HPSE2: variants seen among roughly 807,000 people sequenced by gnomAD.
HPSE2 encodes the protein inactive heparanase-2.
Under a neutral mutation model 60.5 loss-of-function variants are expected in HPSE2, and 38 were observed. The observed-to-expected ratio is 0.63, with a 90% CI of 0.48 to 0.82. The LOEUF is 0.82. Among genes scored for constraint, HPSE2 ranks in the 40% least tolerant of loss-of-function variants. The pLI is 0.00. For synonymous variants in HPSE2, 295 were observed against 293.2 expected (o/e 1.01, Z -0.06); for missense variants, 713 against 740.4 (o/e 0.96, Z 0.43).
chr10:98,528,066 T>C (rs2133792835), intron 9 of HPSE2, among the ~76,000 whole-genome samples: 1 of 152,244 alleles, frequency 6.6e-6, no homozygotes, highest in South Asian at 2.1e-4. Flanking sequence ...TGAAAAAACT[T>C]TTTTTTCTTC....
At chr10:98,918,811 CTAAAACT>C (rs1022393164) in intron 3 of HPSE2, among the ~76,000 whole-genome samples, 47 of 150,248 alleles carry the variant, frequency 3.1e-4, no homozygotes, top group Non-Finnish European at 4.9e-4. Context: ...CACATGTACC[CTAAAACT>C]TAAAGTATAA....
At chr10:98,772,332 G>A (rs563427582) in intron 3 of HPSE2, among the ~76,000 whole-genome samples, 1 of 152,198 alleles carries the variant, frequency 6.6e-6, no homozygotes, top group African/African-American at 2.4e-5. Flanking sequence ...TGGATGACTG[G>A]GAAACTGAGG....
chr10:99,175,103 T>C (rs991165511), intron 2 of HPSE2, among the ~76,000 whole-genome samples: 2 of 152,174 alleles, frequency 1.3e-5, no homozygotes, highest in African/African-American at 4.8e-5. Flanking sequence ...GCTTTTCCCG[T>C]GGTCTTCACA....
At chr10:98,687,066 T>A (rs922693227) in intron 6 of HPSE2, among the ~76,000 whole-genome samples, 2 of 151,940 alleles carry the variant, frequency 1.3e-5, no homozygotes, top group African/African-American at 4.8e-5. Flanking sequence ...TTTGTTGTTA[T>A]TTTTTTTCTT....
intron 3 of HPSE2, among the ~76,000 whole-genome samples, chr10:98,813,880 G>T: frequency 6.6e-6 from 1 of 152,072 alleles, no homozygotes. Context: ...AAATTCAGAG[G>T]TACAAGATGG....
intron 9 of HPSE2, among the ~76,000 whole-genome samples, chr10:98,492,632 GATTT>G (rs1216703529): frequency 1.3e-5 from 2 of 151,808 alleles, no homozygotes; most frequent in Non-Finnish European, 2.9e-5. Context: ...GCAAACTTTA[GATTT>G]ATTAACTTGA....
At chr10:98,947,834 A>G (rs990145135) in intron 3 of HPSE2, among the ~76,000 whole-genome samples, 1 of 152,084 alleles carries the variant, frequency 6.6e-6, no homozygotes, top group Non-Finnish European at 1.5e-5. Context: ...CTTTTTCTGG[A>G]TTGGTTCCAT....
chr10:98,721,604 A>T, intron 5 of HPSE2, 53 bp downstream of exon 5: 1 of 1,503,042 alleles, frequency 6.7e-7, no homozygotes, highest in Non-Finnish European at 9.2e-7. Flanking sequence ...ATGCAAATAC[A>T]TTAATTCATT....
chr10:98,501,236 A>C (rs1221418609), intron 9 of HPSE2, among the ~76,000 whole-genome samples: 1 of 152,122 alleles, frequency 6.6e-6, no homozygotes. Flanking sequence ...GAAAGAACAT[A>C]ACCAAAAAAA....
chr10:98,482,498 T>C, intron 11 of HPSE2, 138 bp downstream of exon 11: 2 of 1,021,800 alleles, frequency 2.0e-6, no homozygotes, highest in Non-Finnish European at 3.1e-6. Flanking sequence ...AGCAGTCACC[T>C]GACCCCAGAC....
In HPSE2 at chr10:99,138,196, A is replaced by T. The variant is rs147994189; in HGVS notation, c.610+6042T>A. On this transcript the variant is annotated intron_variant, in intron 3 of 11. Transcript: ENST00000370552. The stretch of plus-strand genomic sequence containing the variant: ...CAAATCAAAACCACAATGGGATACC[A>T]TCTCACGCCAGTTAGAATGGTGATC... Among the ~76,000 whole-genome samples the T allele has an allele frequency of 8.5e-3, 1,288 of 152,330 alleles. 16 individuals are homozygous for T. Among genetic ancestry groups the T allele is most frequent in the African/African-American group, 0.03 (1,233 of 41,562 alleles).
chr10:99,122,231 CTGGCTTCAGT>C (rs1191487598), intron 3 of HPSE2, among the ~76,000 whole-genome samples: 3 of 151,968 alleles, frequency 2.0e-5, no homozygotes, highest in Non-Finnish European at 4.4e-5. Context: ...CTCAAATGTA[CTGGCTTCAGT>C]GGGAAAATAT....
intron 6 of HPSE2, among the ~76,000 whole-genome samples, chr10:98,693,170 T>G (rs924861158): frequency 2.6e-5 from 4 of 152,158 alleles, no homozygotes; most frequent in African/African-American, 9.7e-5. Flanking sequence ...AAGAGATGAT[T>G]TGGAAGATAT....
intron 9 of HPSE2, among the ~76,000 whole-genome samples, chr10:98,555,788 G>A (rs187619998): frequency 1.2e-4 from 18 of 152,268 alleles, no homozygotes; most frequent in Non-Finnish European, 2.2e-4. Context: ...AAACCAATTT[G>A]ACAACACGAA....
At chr10:99,230,047 T>C (rs1849594436) in intron 2 of HPSE2, among the ~76,000 whole-genome samples, 1 of 152,228 alleles carries the variant, frequency 6.6e-6, no homozygotes, top group Non-Finnish European at 1.5e-5. Flanking sequence ...TCTCATTCTC[T>C]TTAACTCTGC....
chr10:99,259,973 G>A, the HPSE2 span, among the ~76,000 whole-genome samples: 317 of 152,190 alleles, frequency 2.1e-3, no homozygotes, highest in African/African-American at 7.0e-3. Flanking sequence ...CCCTTCCCCC[G>A]TAGAAAAACT....
intron 9 of HPSE2, among the ~76,000 whole-genome samples, chr10:98,576,266 A>G (rs535697001): frequency 6.6e-6 from 1 of 151,338 alleles, no homozygotes; most frequent in African/African-American, 2.4e-5. Context: ...GGCGGATTAC[A>G]TTTTCCAAAG....
intron 11 of HPSE2, among the ~76,000 whole-genome samples, chr10:98,476,851 G>A (rs1022972383): frequency 6.6e-6 from 1 of 152,108 alleles, no homozygotes; most frequent in African/African-American, 2.4e-5. Flanking sequence ...TGAAACTGGT[G>A]TGAATTAGCC....
At chr10:98,757,155 A>C (rs1039722890) in intron 3 of HPSE2, among the ~76,000 whole-genome samples, 8 of 152,212 alleles carry the variant, frequency 5.3e-5, no homozygotes, top group African/African-American at 1.4e-4. Context: ...CATGCTCAAC[A>C]AAGTAGGCAT....
Sources: allele counts gnomAD v4.1 joint callset (sites outside exome capture counted in the v4.1 genomes callset), GRCh38; gene constraint gnomAD v4.1.1; transcripts MANE v1.5; gene names NCBI Gene and HGNC (gene_info 2026-07-23, HGNC 2026-07-21).